KIAA0825: variants seen among roughly 807,000 people sequenced by gnomAD.
KIAA0825 encodes the protein KIAA0825, also known as uncharacterized protein KIAA0825.
In KIAA0825, 119 loss-of-function variants were observed where a neutral mutation model predicts 147.6. That is an observed-to-expected ratio of 0.81 (90% CI 0.69 to 0.94). The LOEUF (loss-of-function observed/expected upper bound fraction) is 0.94. KIAA0825 is among the 40% of genes least tolerant of loss of function. The pLI, the probability that KIAA0825 is intolerant of heterozygous loss-of-function variation, is 0.00. For missense variants in KIAA0825, 1,381 were observed against 1,472.7 expected, an observed-to-expected ratio of 0.94 and a Z score of 1.02; for synonymous variants, 470 against 518.1, an observed-to-expected ratio of 0.91 and a Z score of 1.26.
intron 18 of KIAA0825, among the ~76,000 whole-genome samples, chr5:94,391,282 C>G (rs1030427699): frequency 5.9e-5 from 9 of 152,120 alleles, no homozygotes; most frequent in Admixed American, 1.3e-4. Flanking sequence ...CTCTACAATT[C>G]AGAACTGAAC....
chr5:94,527,410 GA>G (rs1403949359), intron 3 of KIAA0825, among the ~76,000 whole-genome samples: 3 of 151,552 alleles, frequency 2.0e-5, no homozygotes, highest in African/African-American at 7.3e-5. Context: ...TAGTTAAAAG[GA>G]AAAAAGTATG....
At chr5:94,214,763 A>T (rs1417772429) in intron 20 of KIAA0825, among the ~76,000 whole-genome samples, 1 of 152,176 alleles carries the variant, frequency 6.6e-6, no homozygotes, top group East Asian at 1.9e-4. Flanking sequence ...AGTAACTGTG[A>T]CCAGTTACTG....
intron 20 of KIAA0825, among the ~76,000 whole-genome samples, chr5:94,375,754 C>G (rs1194134861): frequency 6.6e-6 from 1 of 152,118 alleles, no homozygotes; most frequent in Non-Finnish European, 1.5e-5. Flanking sequence ...GATTTGGGAG[C>G]TTGAACGGGG....
At chr5:94,181,593 G>C (rs1428286036) in intron 20 of KIAA0825, among the ~76,000 whole-genome samples, 1 of 152,190 alleles carries the variant, frequency 6.6e-6, no homozygotes, top group East Asian at 1.9e-4. Flanking sequence ...AATGAAATTA[G>C]AGTCAATTAA....
At chr5:94,451,174 CT>C (rs1227376282) in intron 13 of KIAA0825, among the ~76,000 whole-genome samples, 1 of 152,174 alleles carries the variant, frequency 6.6e-6, no homozygotes, top group Non-Finnish European at 1.5e-5. Flanking sequence ...AATTTTCCCC[CT>C]AACTTATCTA....
At chr5:94,216,144 A>G (rs1223333477) in intron 20 of KIAA0825, among the ~76,000 whole-genome samples, 5 of 152,108 alleles carry the variant, frequency 3.3e-5, no homozygotes, top group Admixed American at 6.6e-5. Flanking sequence ...CACCCCCAAC[A>G]CATCACCTTA....
chr5:94,369,409 A>T (rs1411521939), intron 20 of KIAA0825, among the ~76,000 whole-genome samples: 1 of 152,188 alleles, frequency 6.6e-6, no homozygotes, highest in African/African-American at 2.4e-5. Context: ...CTTTGCCTTG[A>T]CATATTTACA....
chr5:94,488,255 C>G (rs1359461381), intron 5 of KIAA0825, among the ~76,000 whole-genome samples: 1 of 152,116 alleles, frequency 6.6e-6, no homozygotes, highest in South Asian at 2.1e-4. Context: ...GACAACCTGG[C>G]CTTTATTTAT....
At chr5:94,284,356 A>G (rs941956566) in intron 20 of KIAA0825, among the ~76,000 whole-genome samples, 7 of 152,120 alleles carry the variant, frequency 4.6e-5, no homozygotes, top group Admixed American at 6.6e-5. Context: ...ATATCACCCC[A>G]TTTTGAATTG....
intron 5 of KIAA0825, chr5:94,519,892 C>T: frequency 1.6e-6 from 1 of 631,102 alleles, no homozygotes; most frequent in Non-Finnish European, 2.0e-6. Flanking sequence ...ATTTAATAAA[C>T]AGATAAAGGA....
intron 20 of KIAA0825, among the ~76,000 whole-genome samples, chr5:94,278,139 C>T (rs879279138): frequency 6.6e-6 from 1 of 152,026 alleles, no homozygotes; most frequent in Admixed American, 6.6e-5. Context: ...GGAGGGAGAG[C>T]ATTAGGACAA....
At chr5:94,613,232 T>C (rs1275804043) in intron 1 of KIAA0825, among the ~76,000 whole-genome samples, 2 of 152,190 alleles carry the variant, frequency 1.3e-5, no homozygotes, top group Non-Finnish European at 2.9e-5. Context: ...CTTCACTCTG[T>C]CACCCAGGTT....
chr5:94,296,316 A>C (rs1269974246), intron 20 of KIAA0825, among the ~76,000 whole-genome samples: 2 of 152,122 alleles, frequency 1.3e-5, no homozygotes, highest in Non-Finnish European at 2.9e-5. Context: ...GAGAATTTCA[A>C]GCCAGTGGAT....
At chr5:94,289,359 A>T (rs1450318531) in intron 20 of KIAA0825, among the ~76,000 whole-genome samples, 2 of 151,888 alleles carry the variant, frequency 1.3e-5, no homozygotes, top group Non-Finnish European at 1.5e-5. Flanking sequence ...AACATGGCAA[A>T]ACCCTGTCTC....
intron 20 of KIAA0825, among the ~76,000 whole-genome samples, chr5:94,336,661 T>C (rs1402185009): frequency 2.0e-5 from 3 of 152,172 alleles, no homozygotes; most frequent in Non-Finnish European, 4.4e-5. Context: ...TAGTCTATCA[T>C]TGATGGACAT....
chr5:94,232,668 T>C (rs1038968127), intron 20 of KIAA0825, among the ~76,000 whole-genome samples: 9 of 152,154 alleles, frequency 5.9e-5, no homozygotes, highest in Non-Finnish European at 1.2e-4. Context: ...TAGACACTTT[T>C]GTAATTGATA....
intron 20 of KIAA0825, among the ~76,000 whole-genome samples, chr5:94,282,878 A>C (rs1221694657): frequency 2.0e-5 from 3 of 152,118 alleles, no homozygotes; most frequent in Admixed American, 6.6e-5. Context: ...TTCAAATAAA[A>C]ATATAAAAAG....
chr5:94,343,905 G>A (rs1782706787), intron 20 of KIAA0825, among the ~76,000 whole-genome samples: 1 of 152,118 alleles, frequency 6.6e-6, no homozygotes, highest in African/African-American at 2.4e-5. Flanking sequence ...CAATAAATAT[G>A]TAAAAACAAA....
At chr5:94,578,704 C>T (rs1781513661) in intron 2 of KIAA0825, among the ~76,000 whole-genome samples, 1 of 152,062 alleles carries the variant, frequency 6.6e-6, no homozygotes, top group South Asian at 2.1e-4. Flanking sequence ...ATACTTAATT[C>T]TAAATTTAAG....
Sources: allele counts gnomAD v4.1 joint callset (sites outside exome capture counted in the v4.1 genomes callset), GRCh38; gene constraint gnomAD v4.1.1; transcripts MANE v1.5; gene names NCBI Gene and HGNC (gene_info 2026-07-23, HGNC 2026-07-21).